Variants in TEX15 observed in about 807,000 individuals in gnomAD.
TEX15 encodes testis-expressed protein 15.
TEX15 carries 171 observed loss-of-function variants against 237.3 expected under a neutral mutation model. The observed-to-expected ratio is 0.72, with a 90% CI of 0.64 to 0.82. TEX15 has a LOEUF of 0.82. Ranked by LOEUF, TEX15 falls within the 40% of genes least tolerant of loss-of-function variation. The probability of loss-of-function intolerance (pLI) is 0.00; values close to 1 mark genes in which losing one functional copy is unlikely to be tolerated. For missense variants in TEX15, 3,750 were observed against 3,646.5 expected, an observed-to-expected ratio of 1.03 and a Z score of -0.73; for synonymous variants, 1,338 against 1,269.8, an observed-to-expected ratio of 1.05 and a Z score of -1.14.
intron 5 of TEX15, among the ~76,000 whole-genome samples, chr8:30,860,556 G>T (rs1210687621): frequency 6.8e-6 from 1 of 147,524 alleles, no homozygotes; most frequent in African/African-American, 2.5e-5. Flanking sequence ...AAATTTCAGA[G>T]AATCTACTTT....
At chr8:30,867,238 A>T in intron 5 of TEX15, 27 bp downstream of exon 5, 1 of 1,123,226 alleles carries the variant, frequency 8.9e-7, no homozygotes, top group Non-Finnish European at 1.3e-6. Flanking sequence ...CTGTCCATAT[A>T]CTTAATATTT....
intron 3 of TEX15, among the ~76,000 whole-genome samples, chr8:30,879,265 G>A (rs552045686): frequency 6.6e-6 from 1 of 152,222 alleles, no homozygotes; most frequent in South Asian, 2.1e-4. Context: ...GTCTTTCGCA[G>A]AGCAAAAGTT....
chr8:30,880,663 G>A (rs762272506), intron 3 of TEX15, among the ~76,000 whole-genome samples: 8 of 152,030 alleles, frequency 5.3e-5, no homozygotes, highest in South Asian at 4.2e-4. Context: ...CATATAATAC[G>A]TACATAAAAT....
chr8:30,857,366 TC>T (rs573935441), intron 7 of TEX15, among the ~76,000 whole-genome samples: 8 of 151,794 alleles, frequency 5.3e-5, no homozygotes, highest in Non-Finnish European at 1.2e-4. Context: ...TATCTTCAAG[TC>T]CTAGGAAAAG....
chr8:30,848,235 A>G lies in TEX15; in HGVS notation c.1932T>C (p.Asp644=), dbSNP rs1388098231. 1 of 1,612,506 alleles carries G rather than the reference A, an allele frequency of 6.2e-7. No homozygotes were observed. Among genetic ancestry groups the G allele is most frequent in the Admixed American group, 1.7e-5 (1 of 59,814 alleles). Residue 644 remains aspartate (D), a synonymous_variant, in exon 8 of 11, where the codon GAT becomes GAC. Coordinates refer to ENST00000643185, the MANE Select transcript of TEX15 (RefSeq NM_001350162.2). ...EEKQTSWKEI[D]NDFTNETKIS... is the part of the protein sequence containing the mutation. The stretch of plus-strand genomic sequence containing the variant: ...TTTTTGTTTCATTAGTGAAATCATT[A>G]TCAATTTCTTTCCATGAAGTTTGCT...
chr8:30,888,528 G>T, intron 2 of TEX15: 1 of 938,240 alleles, frequency 1.1e-6, no homozygotes, highest in Non-Finnish European at 1.5e-6. Flanking sequence ...TCCATCCCCT[G>T]CCAAATATTG....
In TEX15 at chr8:30,853,057, C is replaced by T. The variant is rs1807822376; in HGVS notation, c.851-3741G>A. Among the ~76,000 whole-genome samples the T allele has an allele frequency of 2.6e-5, 4 of 152,268 alleles. No homozygotes were observed. The South Asian group carries it at 8.3e-4, about 32-fold the overall frequency. On this transcript the variant is annotated intron_variant, in intron 7 of 10. Coordinates refer to ENST00000643185, the MANE Select transcript of TEX15 (RefSeq NM_001350162.2). ...TGATAGCCAACACATGTGGCTATGA[C>T]TGTGGGCATAATATAGGTTTTCTCT... is the stretch of plus-strand genomic sequence containing the variant.
In TEX15 at chr8:30,842,757, CCT is replaced by C. The variant is rs773265733; in HGVS notation, c.7408_7409del (p.Arg2470ValfsTer8). 5.6e-6 allele frequency: 9 copies of C among 1,613,422 alleles called. No individual in the cohort carries two copies. Among genetic ancestry groups the C allele is most frequent in the Admixed American group, 1.7e-5 (1 of 59,948 alleles). Reference protein sequence around the residue: ...NSIAKKLDKQRFRGMLWFDLS... With the variant: ...NSIAKKLDKQXFRGMLWFDLS... ...AATCAAACCAAAGCATACCTCGAAA[CCT>C]CTGTTTGTCTAGTTTCTTTGCTATT... On this transcript the variant is annotated frameshift_variant, in exon 8 of 11. Transcript: ENST00000643185. LOFTEE classifies it high-confidence loss of function.
At chr8:30,856,372 G>A (rs1043567749) in intron 7 of TEX15, among the ~76,000 whole-genome samples, 1 of 151,748 alleles carries the variant, frequency 6.6e-6, no homozygotes, top group African/African-American at 2.4e-5. Flanking sequence ...TGGGCAACAT[G>A]GTGAAACCCT....
rs780655834 is a variant in TEX15 at position 30,838,048 on chromosome 8, G to A, written c.8236C>T (p.His2746Tyr). ...ACTATTTTGTTTTCGCTTTTGGGAT[G>A]AGATCCTGTAGTCCTATTAGGTGCA... is the stretch of plus-strand genomic sequence containing the variant. ...TFKHPRTTGS[H>Y]PKSENKIVPS... is the part of the protein sequence containing the mutation. Residue 2746 changes from histidine (H) to tyrosine (Y), a missense_variant, in exon 10 of 11, where the codon CAT becomes TAT. Transcript: ENST00000643185. 6 of 1,611,746 alleles carry A rather than the reference G, an allele frequency of 3.7e-6. No homozygotes were observed. Among genetic ancestry groups the A allele is most frequent in the Middle Eastern group, 1.7e-4 (1 of 6,044 alleles).
At chr8:30,834,079 T>C (rs1368197266) in intron 10 of TEX15, among the ~76,000 whole-genome samples, 1 of 152,202 alleles carries the variant, frequency 6.6e-6, no homozygotes, top group Non-Finnish European at 1.5e-5. Flanking sequence ...CCATCTACTA[T>C]GCTTGGTGTT....
rs1807310964 is a variant in TEX15, at chr8:30,836,842, G to A, written c.9442C>T (p.Pro3148Ser). The A allele has an allele frequency of 1.9e-6, 3 of 1,611,888 alleles. No individual in the cohort carries two copies. Among genetic ancestry groups the A allele is most frequent in the Non-Finnish European group, 2.5e-6 (3 of 1,179,238 alleles). The change falls in exon 10 of 11, where the codon CCT becomes TCT. Residue 3148 changes from proline (P) to serine (S), a missense_variant. Transcript: ENST00000643185. The stretch of plus-strand genomic sequence containing the variant: ...ACTTCTGGAGGCACAAATCGATTAG[G>A]AAGGTAAGGGTATGTAGCTTGTGGT... ...PLPQATYPYLPNRFVPPEVPW... is the reference protein window; with the variant it reads ...PLPQATYPYLSNRFVPPEVPW...
At position 30,859,847 on chromosome 8, in the gene TEX15, A is replaced by G. The variant is rs186929148; in HGVS notation, c.687+64T>C. ...TTTTCATTTAACATTTTGGGAATTTAAGTCTTAAAACATACAATGTGAAAC... is the reference window on the plus strand; with the variant it reads ...TTTTCATTTAACATTTTGGGAATTTGAGTCTTAAAACATACAATGTGAAAC... On this transcript the variant is annotated intron_variant, in intron 6 of 10. Coordinates refer to ENST00000643185, the MANE Select transcript of TEX15 (RefSeq NM_001350162.2). 32 of 1,214,732 alleles carry G rather than the reference A, an allele frequency of 2.6e-5. No individual in the cohort carries two copies. The Admixed American group carries it at 1.3e-3, about 48-fold the overall frequency. The allele number at this position is 1,214,732 out of a possible 1,614,324, so 75.2% of individuals were successfully genotyped here.
intron 2 of TEX15, among the ~76,000 whole-genome samples, chr8:30,894,644 C>T (rs1291041196): frequency 3.3e-5 from 5 of 152,174 alleles, no homozygotes; most frequent in Admixed American, 2.6e-4. Context: ...GCCAGGAAAA[C>T]TGGATATCCA....
intron 3 of TEX15, 29 bp downstream of exon 3, chr8:30,887,137 TA>T: frequency 1.3e-6 from 2 of 1,511,716 alleles, no homozygotes; most frequent in Non-Finnish European, 1.8e-6. Context: ...TAATAGTTAC[TA>T]AAAAAATTCC....
rs763583018 is a variant in TEX15 at position 30,843,377 on chromosome 8, G to C, written c.6790C>G (p.Leu2264Val). 6.0e-5 allele frequency: 96 copies of C among 1,612,702 alleles called. 2 individuals carry two copies. The South Asian group carries it at 1.0e-3, about 17-fold the overall frequency. ...NNEAVRVKIS[L>V]YGLEHIFFDA... is the part of the protein sequence containing the mutation. The stretch of plus-strand genomic sequence containing the variant: ...AAAAAGATATGTTCCAGACCATAAA[G>C]AGATATTTTAACACGTACTGCCTCG... The change falls in exon 8 of 11, where the codon CTT (leucine) becomes GTT (valine). Residue 2264 changes from leucine (L) to valine (V), a missense_variant. Physicochemically the swap from Leu to Val is conservative, Grantham distance 32. Transcript: ENST00000643185.
chr8:30,880,858 T>C (rs569496072), intron 3 of TEX15, among the ~76,000 whole-genome samples: 2 of 152,276 alleles, frequency 1.3e-5, no homozygotes, highest in African/African-American at 2.4e-5. Flanking sequence ...AAATGAACAA[T>C]TGTTTTTTTA....
intron 2 of TEX15, among the ~76,000 whole-genome samples, chr8:30,895,670 C>G (rs1465552580): frequency 9.0e-6 from 1 of 111,254 alleles, no homozygotes; most frequent in Non-Finnish European, 1.7e-5. Flanking sequence ...ACCTTTTAAA[C>G]ACATGCTTTT....
chr8:30,836,216 T>TTTC (rs1554487993), intron 10 of TEX15, among the ~76,000 whole-genome samples: 1 of 127,626 alleles, frequency 7.8e-6, no homozygotes, highest in Non-Finnish European at 1.6e-5. Context: ...TTTTTTTTTT[T>TTTC]TTTTTTTTTT....
Sources: allele counts gnomAD v4.1 joint callset (sites outside exome capture counted in the v4.1 genomes callset), GRCh38; gene constraint gnomAD v4.1.1; transcripts MANE v1.5; gene names NCBI Gene and HGNC (gene_info 2026-07-23, HGNC 2026-07-21).